The following TBC1D19 variants were observed in gnomAD, a reference collection of about 807,000 sequenced individuals.
TBC1D19 encodes TBC1 domain family, member 19.
A neutral mutation model predicts 89.0 loss-of-function variants in TBC1D19; 60 were observed. The observed-to-expected ratio is 0.67, with a 90% CI of 0.55 to 0.84. The LOEUF is 0.84. TBC1D19 is among the 40% of genes least tolerant of loss of function. The probability of loss-of-function intolerance (pLI) is 0.00; values close to 1 mark genes in which losing one functional copy is unlikely to be tolerated. For synonymous variants in TBC1D19, 189 were observed against 199.7 expected, an observed-to-expected ratio of 0.95 and a Z score of 0.45; for missense variants, 500 against 610.8, an observed-to-expected ratio of 0.82 and a Z score of 1.91.
chr4:26,649,866 C>A (rs1275163238), intron 7 of TBC1D19, among the ~76,000 whole-genome samples: 3 of 152,110 alleles, frequency 2.0e-5, no homozygotes, highest in African/African-American at 7.2e-5. Flanking sequence ...TCCCCTCTCC[C>A]CCAACCCCAC....
intron 19 of TBC1D19, among the ~76,000 whole-genome samples, chr4:26,752,892 A>G (rs1473062987): frequency 6.6e-6 from 1 of 152,106 alleles, no homozygotes; most frequent in Non-Finnish European, 1.5e-5. Context: ...TCCTGAGCTC[A>G]AGACACTTCT....
chr4:26,753,679 A>G (rs1405152282), intron 19 of TBC1D19, 141 bp from the exon 20 acceptor site: 2 of 754,846 alleles, frequency 2.6e-6, no homozygotes, highest in Non-Finnish European at 4.3e-6. Flanking sequence ...CAAGACCTTA[A>G]TTCAGAATGC....
At chr4:26,832,022 G>A in the TBC1D19 span, among the ~76,000 whole-genome samples, 2 of 152,164 alleles carry the variant, frequency 1.3e-5, no homozygotes, top group Non-Finnish European at 2.9e-5. Context: ...GTATTGTCCT[G>A]TTGGTTGTTG....
rs1739974109 is a variant in TBC1D19 at position 26,593,531 on chromosome 4, C to T, written c.99+9239C>T. On this transcript the variant is annotated intron_variant, in intron 1 of 20. Coordinates refer to ENST00000264866, the MANE Select transcript of TBC1D19 (RefSeq NM_018317.4). ...AAGAGCTTCTGCACAGCAAAAGAAA[C>T]TACCGTCAGAGTGAACAGGCAACCT... 3.3e-5 allele frequency among the ~76,000 whole-genome samples: 5 copies of T among 152,332 alleles called. No individual in the cohort carries two copies. The South Asian group carries it at 1.0e-3, about 32-fold the overall frequency.
At chr4:26,666,471 A>G (rs909795274) in intron 9 of TBC1D19, 66 bp downstream of exon 9, 68 of 1,356,284 alleles carry the variant, frequency 5.0e-5, no homozygotes, top group Non-Finnish European at 6.4e-5. Context: ...TTATATTGCT[A>G]TTTCCAAGTT....
At chr4:26,720,024 T>G (rs190853332) in intron 14 of TBC1D19, 57 bp from the exon 15 acceptor site, 2 of 1,433,034 alleles carry the variant, frequency 1.4e-6, no homozygotes, top group African/African-American at 2.9e-5. Flanking sequence ...AATAAGTTGA[T>G]TTTTAAAGAT....
chr4:26,715,567 A>T (rs927175342), intron 13 of TBC1D19, among the ~76,000 whole-genome samples: 1 of 152,118 alleles, frequency 6.6e-6, no homozygotes, highest in Non-Finnish European at 1.5e-5. Flanking sequence ...GCTGCAATAC[A>T]GTTTAAATGA....
At chr4:26,620,556 G>A in intron 3 of TBC1D19, 57 bp from the exon 4 acceptor site, 1 of 1,426,218 alleles carries the variant, frequency 7.0e-7, no homozygotes, top group Non-Finnish European at 9.8e-7. Context: ...ACAGAGGTAA[G>A]TAATATCTAA....
chr4:26,675,260 C>G (rs1712699412), intron 11 of TBC1D19, among the ~76,000 whole-genome samples: 1 of 151,970 alleles, frequency 6.6e-6, no homozygotes, highest in Non-Finnish European at 1.5e-5. Flanking sequence ...ACTGCGATTT[C>G]TAAAACAAAT....
chr4:26,754,134 G>T (rs1233411587), intron 20 of TBC1D19: 23 of 410,392 alleles, frequency 5.6e-5, no homozygotes, highest in Non-Finnish European at 7.1e-5. Context: ...AACCATATGG[G>T]AAACCAGATA....
At chr4:26,856,978 A>C in the TBC1D19 span, among the ~76,000 whole-genome samples, 1 of 152,196 alleles carries the variant, frequency 6.6e-6, no homozygotes, top group Non-Finnish European at 1.5e-5. Context: ...TCCTGGATGC[A>C]AGACACTTAA....
chr4:26,774,154 A>G, the TBC1D19 span, among the ~76,000 whole-genome samples: 1 of 152,210 alleles, frequency 6.6e-6, no homozygotes, highest in African/African-American at 2.4e-5. Flanking sequence ...CATTCCCCAC[A>G]GCTGCACTGA....
intron 7 of TBC1D19, among the ~76,000 whole-genome samples, chr4:26,644,014 A>G (rs1743734849): frequency 6.6e-6 from 1 of 152,222 alleles, no homozygotes; most frequent in African/African-American, 2.4e-5. Flanking sequence ...AGCTGGTACC[A>G]TTCCTTCTGA....
chr4:26,651,891 A>G (rs900083941), intron 7 of TBC1D19, among the ~76,000 whole-genome samples: 4 of 152,166 alleles, frequency 2.6e-5, no homozygotes, highest in African/African-American at 4.8e-5. Context: ...TGTCCCATCA[A>G]TACGTAATTT....
At chr4:26,616,778 G>T (rs1741728456) in intron 3 of TBC1D19, among the ~76,000 whole-genome samples, 1 of 152,100 alleles carries the variant, frequency 6.6e-6, no homozygotes, top group African/African-American at 2.4e-5. Context: ...TTTTAAACTA[G>T]TGTAGGTTAG....
At chr4:26,599,892 G>A (rs1029846332) in intron 1 of TBC1D19, among the ~76,000 whole-genome samples, 1 of 137,372 alleles carries the variant, frequency 7.3e-6, no homozygotes, top group African/African-American at 2.7e-5. Flanking sequence ...AGGTTGCAGT[G>A]AGCTGAGATC....
chr4:26,659,641 T>C lies in TBC1D19; in HGVS notation c.525T>C (p.Ser175=). Residue 175 remains serine, a synonymous_variant, in exon 8 of 21, where the codon TCT becomes TCC. Transcript: ENST00000264866. ...ACCCAAATTATGAAAACGGTGATTC[T>C]CTTAGTTTCAGGACTCATTTGGGTT... is the stretch of plus-strand genomic sequence containing the variant. The part of the protein sequence containing the change: ...LRNPNYENGD[S]LSFRTHLGLI... 6.3e-7 allele frequency: 1 copy of C among 1,594,574 alleles called. No individual in the cohort carries two copies. The highest frequency in any genetic ancestry group is 8.6e-7 in the Non-Finnish European group (1 of 1,166,406).
At chr4:26,588,271 C>T (rs368712495) in intron 1 of TBC1D19, among the ~76,000 whole-genome samples, 11 of 152,028 alleles carry the variant, frequency 7.2e-5, no homozygotes, top group Non-Finnish European at 1.0e-4. Context: ...GTGATCCGCC[C>T]GCCTTGGCCT....
At chr4:26,832,730 C>T in the TBC1D19 span, among the ~76,000 whole-genome samples, 545 of 152,210 alleles carry the variant, frequency 3.6e-3, 4 homozygotes, top group African/African-American at 0.013. Context: ...CATACCCCCT[C>T]GACTATAATC....
Sources: allele counts gnomAD v4.1 joint callset (sites outside exome capture counted in the v4.1 genomes callset), GRCh38; gene constraint gnomAD v4.1.1; transcripts MANE v1.5; gene names NCBI Gene and HGNC (gene_info 2026-07-23, HGNC 2026-07-21).